Variants in TRAK1 observed in about 807,000 individuals in gnomAD.
The protein encoded by TRAK1 is trafficking kinesin protein 1.
Under a neutral mutation model 92.1 loss-of-function variants are expected in TRAK1, and 33 were observed. That is an observed-to-expected ratio of 0.36 (90% CI 0.27 to 0.48). The LOEUF (loss-of-function observed/expected upper bound fraction) is 0.48, where lower values mean the gene tolerates loss of function less well. Among genes scored for constraint, TRAK1 ranks in the 20% least tolerant of loss-of-function variants. The pLI is 0.99. For missense variants in TRAK1, 1,123 were observed against 1,257.9 expected (o/e 0.89, Z 1.62); for synonymous variants, 521 against 517.3 (o/e 1.01, Z -0.10).
chr3:42,082,181 T>C (rs1165223794), intron 1 of TRAK1, among the ~76,000 whole-genome samples: 2 of 152,238 alleles, frequency 1.3e-5, no homozygotes, highest in Non-Finnish European at 2.9e-5. Context: ...GAAACATCGA[T>C]ACTAGGAGGA....
chr3:42,083,706 C>T (rs900307223), upstream of TRAK1, among the ~76,000 whole-genome samples: 1 of 151,992 alleles, frequency 6.6e-6, no homozygotes, highest in African/African-American at 2.4e-5. Context: ...GAAACCTCAT[C>T]TCTACTAAAA....
chr3:42,020,969 C>T (rs1701700926), intron 1 of TRAK1, among the ~76,000 whole-genome samples: 1 of 152,042 alleles, frequency 6.6e-6, no homozygotes. Context: ...AATTTCAAAC[C>T]TGGGAAGAAA....
At chr3:42,196,085 T>A (rs1706583635) in intron 10 of TRAK1, among the ~76,000 whole-genome samples, 1 of 152,214 alleles carries the variant, frequency 6.6e-6, no homozygotes, top group South Asian at 2.1e-4. Flanking sequence ...AAATTTGCAT[T>A]TCAGTTTCTT....
chr3:42,054,407 G>C (rs956520568), intron 1 of TRAK1, among the ~76,000 whole-genome samples: 2 of 152,198 alleles, frequency 1.3e-5, no homozygotes, highest in African/African-American at 4.8e-5. Context: ...TTGCAAGCCA[G>C]AATCAGGAGC....
intron 1 of TRAK1, among the ~76,000 whole-genome samples, chr3:42,072,170 T>C (rs1027493812): frequency 6.6e-6 from 1 of 152,138 alleles, no homozygotes; most frequent in Non-Finnish European, 1.5e-5. Context: ...AGCAAGCCCG[T>C]TGGCCTGGTT....
Position 42,018,376 on chromosome 3 carries a change from GT to G in TRAK1, c.-519+4262del, listed in dbSNP as rs199966956. On this transcript the variant is annotated intron_variant, in intron 1 of 16. Coordinates refer to the TRAK1 transcript ENST00000487159. The stretch of plus-strand genomic sequence containing the variant: ...CCCCAGCATAAGCACATGTACCCCA[GT>G]TTGGGAATCGTGGAGCTGGATTATT... Among the ~76,000 whole-genome samples, 696 of 152,232 alleles carry G rather than the reference GT, an allele frequency of 4.6e-3. 5 individuals are homozygous for G. Among genetic ancestry groups the G allele is most frequent in the Admixed American group, 7.9e-3 (121 of 15,290 alleles).
At chr3:42,093,659 T>TCCCTTCCCTTCCCTTCCCTC (rs1705443537) in intron 1 of TRAK1, among the ~76,000 whole-genome samples, 3 of 32,566 alleles carry the variant, frequency 9.2e-5, no homozygotes, top group Non-Finnish European at 1.9e-4. Context: ...CCCCTTCCCT[T>TCCCTTCCCTTCCCTTCCCTC]CCCTTCCCTC....
intron 1 of TRAK1, among the ~76,000 whole-genome samples, chr3:42,121,130 C>T (rs1330579627): frequency 1.3e-5 from 2 of 152,212 alleles, no homozygotes; most frequent in African/African-American, 2.4e-5. Context: ...ACAAGATGTG[C>T]CGCAGCCCTC....
intron 2 of TRAK1, among the ~76,000 whole-genome samples, chr3:42,127,196 A>G (rs1217786129): frequency 6.6e-6 from 1 of 152,162 alleles, no homozygotes; most frequent in African/African-American, 2.4e-5. Flanking sequence ...CTGCAAAAAA[A>G]TTCACAAGAG....
At chr3:42,088,464 G>A (rs1704804668), upstream of TRAK1, among the ~76,000 whole-genome samples, 1 of 152,150 alleles carries the variant, frequency 6.6e-6, no homozygotes, top group Non-Finnish European at 1.5e-5. Context: ...TTTCTCTACT[G>A]CATCATTCTT....
intron 1 of TRAK1, among the ~76,000 whole-genome samples, chr3:42,044,736 A>C (rs954151821): frequency 1.3e-4 from 20 of 152,188 alleles, no homozygotes; most frequent in Non-Finnish European, 2.5e-4. Context: ...CTTATTAATA[A>C]ATGCTCTATT....
intron 2 of TRAK1, among the ~76,000 whole-genome samples, chr3:42,154,971 A>G (rs1559843933): frequency 1.3e-5 from 2 of 152,058 alleles, no homozygotes; most frequent in Non-Finnish European, 2.9e-5. Context: ...GGTATAGCAG[A>G]GGAAAAACTT....
intron 2 of TRAK1, among the ~76,000 whole-genome samples, chr3:42,140,730 G>A (rs1284267500): frequency 2.0e-5 from 3 of 152,232 alleles, no homozygotes; most frequent in Non-Finnish European, 4.4e-5. Context: ...TGCTTGTAAG[G>A]CTGTCTTTCA....
At chr3:42,017,728 A>G (rs1405639258) in intron 1 of TRAK1, among the ~76,000 whole-genome samples, 2 of 152,374 alleles carry the variant, frequency 1.3e-5, no homozygotes, top group African/African-American at 2.4e-5. Context: ...GATTCATTAT[A>G]GTGAGAAATT....
chr3:42,135,663 T>C (rs1220069768), intron 2 of TRAK1, among the ~76,000 whole-genome samples: 2 of 152,236 alleles, frequency 1.3e-5, no homozygotes, highest in East Asian at 1.9e-4. Flanking sequence ...GGAATTGGAC[T>C]GTGTGTGGGA....
At chr3:42,146,681 A>G (rs1318799411) in intron 2 of TRAK1, among the ~76,000 whole-genome samples, 1 of 152,166 alleles carries the variant, frequency 6.6e-6, no homozygotes, top group Non-Finnish European at 1.5e-5. Flanking sequence ...CAGCCTCCCA[A>G]GTAGCTGGGT....
chr3:42,111,727 C>T (rs1708431248), intron 1 of TRAK1, among the ~76,000 whole-genome samples: 1 of 152,076 alleles, frequency 6.6e-6, no homozygotes, highest in African/African-American at 2.4e-5. Flanking sequence ...ATTCAAAATG[C>T]ATCTATTTTG....
chr3:42,061,343 C>T (rs1431638508), intron 1 of TRAK1, among the ~76,000 whole-genome samples: 53 of 134,804 alleles, frequency 3.9e-4, no homozygotes, highest in African/African-American at 1.2e-3. Context: ...CACACCCCAC[C>T]CCCCCACGCA....
intron 14 of TRAK1, chr3:42,212,744 G>A (rs555036720): frequency 1.5e-4 from 37 of 248,442 alleles, no homozygotes; most frequent in African/African-American, 8.3e-4. Context: ...TTAGGCATTT[G>A]TGTGGGGAAG....
Sources: allele counts gnomAD v4.1 joint callset (sites outside exome capture counted in the v4.1 genomes callset), GRCh38; gene constraint gnomAD v4.1.1; transcripts MANE v1.5; gene names NCBI Gene and HGNC (gene_info 2026-07-23, HGNC 2026-07-21).